CDC42BPB: variants seen among roughly 807,000 people sequenced by gnomAD.
The protein encoded by CDC42BPB is serine/threonine-protein kinase MRCK beta.
CDC42BPB carries 37 observed loss-of-function variants against 214.9 expected under a neutral mutation model. The observed-to-expected ratio is 0.17, with a 90% CI of 0.13 to 0.23. The LOEUF (loss-of-function observed/expected upper bound fraction) is 0.23. CDC42BPB is among the 10% of genes least tolerant of loss of function. The pLI is 1.00. For synonymous variants in CDC42BPB, 931 were observed against 884.0 expected, an observed-to-expected ratio of 1.05 and a Z score of -0.94; for missense variants, 1,694 against 2,227.0, an observed-to-expected ratio of 0.76 and a Z score of 4.82.
At chr14:103,029,143 T>C (rs1233332372) in intron 1 of CDC42BPB, among the ~76,000 whole-genome samples, 2 of 152,250 alleles carry the variant, frequency 1.3e-5, no homozygotes, top group Non-Finnish European at 2.9e-5. Context: ...TCTTTTACCT[T>C]ATTTAGACAT....
In CDC42BPB at chr14:102,938,425, G is replaced by C. The variant is rs1891738427; in HGVS notation, c.4828-14C>G. ...GGGCACAGCACTCTGGGCAGAAATA[G>C]CAACACGTGAGCATGCTTGGTTGAC... On this transcript the variant is annotated splice_polypyrimidine_tract_variant and intron_variant, in intron 34 of 36. Transcript: ENST00000361246. 2 of 1,523,788 alleles carry C rather than the reference G, an allele frequency of 1.3e-6. No homozygotes were observed. Among genetic ancestry groups the C allele is most frequent in the East Asian group, 2.3e-5 (1 of 44,104 alleles). The allele number at this position is 1,523,788 out of a possible 1,614,324, so 94.4% of individuals were successfully genotyped here.
intron 3 of CDC42BPB, among the ~76,000 whole-genome samples, chr14:103,008,138 C>T (rs186724298): frequency 8.5e-5 from 13 of 152,320 alleles, no homozygotes; most frequent in Non-Finnish European, 1.3e-4. Flanking sequence ...AGGGTCCAAA[C>T]GTGTTAATTC....
intron 1 of CDC42BPB, among the ~76,000 whole-genome samples, chr14:103,025,789 AGAGC>A (rs752180039): frequency 1.7e-4 from 26 of 151,266 alleles, no homozygotes; most frequent in Non-Finnish European, 3.5e-4. Flanking sequence ...CCTGGGTGAC[AGAGC>A]GAGACTCTGT....
chr14:102,946,816 T>C (rs1892201029), intron 27 of CDC42BPB, 132 bp from the exon 28 acceptor site: 5 of 1,457,222 alleles, frequency 3.4e-6, no homozygotes, highest in Non-Finnish European at 4.5e-6. Flanking sequence ...CAGGGACCCC[T>C]GACTCCACCT....
At chr14:102,983,001 T>G (rs1894072663) in intron 7 of CDC42BPB, among the ~76,000 whole-genome samples, 1 of 151,594 alleles carries the variant, frequency 6.6e-6, no homozygotes, top group African/African-American at 2.4e-5. Context: ...AGTGAGAAAG[T>G]GAACAGTTCG....
intron 30 of CDC42BPB, 47 bp from the exon 31 acceptor site, chr14:102,940,371 C>T: frequency 6.5e-7 from 1 of 1,548,752 alleles, no homozygotes. Context: ...GGCTCAGGAA[C>T]TCACCTGCCC....
intron 1 of CDC42BPB, among the ~76,000 whole-genome samples, chr14:103,014,508 T>G (rs1050944108): frequency 1.8e-4 from 27 of 152,344 alleles, no homozygotes; most frequent in African/African-American, 6.5e-4. Flanking sequence ...TTCTTACCAC[T>G]GCAGGAGTGG....
Position 103,057,213 on chromosome 14 carries a change from C to T in CDC42BPB, c.-40G>A. Reference sequence around the variant, plus strand: ...CGCTCCCGACGCGCCGGCCTCTCACCGCCGGCTCGGCCAGTCCGTCAGGGC... The same window carrying T: ...CGCTCCCGACGCGCCGGCCTCTCACTGCCGGCTCGGCCAGTCCGTCAGGGC... On this transcript the variant is annotated 5_prime_UTR_variant, in exon 1 of 37. Transcript: ENST00000361246. 2 of 1,318,188 alleles carry T rather than the reference C, an allele frequency of 1.5e-6. No homozygotes were observed. Among genetic ancestry groups the T allele is most frequent in the Admixed American group, 3.5e-5 (1 of 28,940 alleles). The allele number at this position is 1,318,188 out of a possible 1,614,324, so 81.7% of individuals were successfully genotyped here.
chr14:103,048,555 A>AAAAAAAAAAAAAAAAAC, intron 1 of CDC42BPB, among the ~76,000 whole-genome samples: 1 of 147,538 alleles, frequency 6.8e-6, no homozygotes. Context: ...AAAAAAAAAA[A>AAAAAAAAAAAAAAAAAC]AAAAAATTAG....
At chr14:103,037,419 G>A (rs1438445284) in intron 1 of CDC42BPB, among the ~76,000 whole-genome samples, 2 of 152,006 alleles carry the variant, frequency 1.3e-5, no homozygotes, top group South Asian at 4.1e-4. Context: ...TCAGCCTCCC[G>A]AGCAGCCGGG....
chr14:102,940,522 T>C (rs1891844442), intron 30 of CDC42BPB, 198 bp from the exon 31 acceptor site: 9 of 1,373,924 alleles, frequency 6.6e-6, no homozygotes, highest in Non-Finnish European at 8.6e-6. Flanking sequence ...CACAATCCAA[T>C]GTTTAAATGC....
chr14:102,992,905 C>T (rs928577887), intron 5 of CDC42BPB, among the ~76,000 whole-genome samples: 1 of 151,760 alleles, frequency 6.6e-6, no homozygotes, highest in Non-Finnish European at 1.5e-5. Context: ...CAGCTCACTG[C>T]AACCTCTTGA....
intron 25 of CDC42BPB, 104 bp downstream of exon 25, chr14:102,950,362 C>G (rs1244264033): frequency 6.9e-7 from 1 of 1,446,080 alleles, no homozygotes; most frequent in East Asian, 2.3e-5. Context: ...GCACCAGGGC[C>G]ACCTGCCGCA....
intron 8 of CDC42BPB, 102 bp downstream of exon 8, chr14:102,980,671 C>T: frequency 1.7e-6 from 2 of 1,166,578 alleles, no homozygotes; most frequent in South Asian, 2.9e-5. Flanking sequence ...TGCCAAATTT[C>T]ACAGCTTTAT....
chr14:103,037,821 G>A (rs1436224788), intron 1 of CDC42BPB, among the ~76,000 whole-genome samples: 1 of 152,036 alleles, frequency 6.6e-6, no homozygotes, highest in Non-Finnish European at 1.5e-5. Flanking sequence ...ACAAGGTCAG[G>A]AGATCGAGAC....
At chr14:102,992,077 A>G (rs550959560) in intron 5 of CDC42BPB, among the ~76,000 whole-genome samples, 1 of 152,234 alleles carries the variant, frequency 6.6e-6, no homozygotes, top group East Asian at 1.9e-4. Context: ...ACATTCTGTC[A>G]CTGTGGAAAG....
At position 102,949,838 on chromosome 14, in the gene CDC42BPB, G is replaced by A; in HGVS notation, c.3376C>T (p.Leu1126Phe). ...CCTTCAGGCAGATCATACAGGAAGA[G>A]CTTGCAGTCACAGACGACTGCATAT... ...RAYAVVCDCK[L>F]FLYDLPEGKS... The change falls in exon 26 of 37, where the codon CTC (leucine) becomes TTC (phenylalanine). Residue 1126 changes from leucine to phenylalanine, a missense_variant. Leu to Phe is a conservative substitution (Grantham distance 22). Transcript: ENST00000361246. 2 of 1,613,658 alleles carry A rather than the reference G, an allele frequency of 1.2e-6. No homozygotes were observed. Among genetic ancestry groups the A allele is most frequent in the Non-Finnish European group, 1.7e-6 (2 of 1,180,016 alleles).
At chr14:103,032,278 C>A (rs996621221) in intron 1 of CDC42BPB, among the ~76,000 whole-genome samples, 6 of 152,148 alleles carry the variant, frequency 3.9e-5, no homozygotes, top group African/African-American at 7.2e-5. Context: ...CGTGGGTGCA[C>A]ACTTGGGCCT....
chr14:102,942,121 G>A (rs1891918147), intron 30 of CDC42BPB, among the ~76,000 whole-genome samples: 1 of 152,152 alleles, frequency 6.6e-6, no homozygotes, highest in Non-Finnish European at 1.5e-5. Flanking sequence ...GGCTGCCTAT[G>A]AAGAGGACAG....
Sources: gnomAD v4.1 joint callset for allele counts (sites outside exome capture counted in the v4.1 genomes callset) on GRCh38, gnomAD v4.1.1 for gene constraint, MANE v1.5 for transcripts, NCBI Gene and HGNC (gene_info 2026-07-23, HGNC 2026-07-21) for gene names.